The following SEPTIN9 variants were observed in gnomAD, a reference collection of about 807,000 sequenced individuals.
SEPTIN9 encodes septin-9.
In SEPTIN9, 13 loss-of-function variants were observed where a neutral mutation model predicts 56.6. That is an observed-to-expected ratio of 0.23 (90% confidence interval 0.15 to 0.37). SEPTIN9 has a LOEUF of 0.37. SEPTIN9 is among the 10% of genes least tolerant of loss of function. The pLI, the probability that SEPTIN9 is intolerant of heterozygous loss-of-function variation, is 1.00. For synonymous variants in SEPTIN9, 332 were observed against 334.1 expected, an observed-to-expected ratio of 0.99 and a Z score of 0.07; for missense variants, 650 against 823.1, an observed-to-expected ratio of 0.79 and a Z score of 2.57.
rs1004612672 is a variant in SEPTIN9, at chr17:77,449,228, G to A, written c.722-32916G>A. On this transcript the variant is annotated intron_variant, in intron 3 of 11. Coordinates refer to ENST00000427177, the MANE Select transcript of SEPTIN9 (RefSeq NM_001113491.2). This position sits in a 1 kb window ranked among gnomAD's most constrained non-coding sequence, Gnocchi z 4.6. ...CCTGAATGCTGAGTGTGTGCTGAGC[G>A]GTAGAGAACTTTGAGAAGTGCTGAA... Among the ~76,000 whole-genome samples the A allele has an allele frequency of 3.9e-5, 6 of 152,292 alleles. No individual in the cohort carries two copies. The highest frequency in any genetic ancestry group is 9.6e-5 in the African/African-American group (4 of 41,558).
chr17:77,477,289 C>T (rs1242160214), intron 3 of SEPTIN9, among the ~76,000 whole-genome samples: 4 of 152,132 alleles, frequency 2.6e-5, no homozygotes, highest in Non-Finnish European at 5.9e-5. Flanking sequence ...AAGGAAACGC[C>T]ATCCTCGGTA....
chr17:77,417,622 T>C (rs1019355066), intron 3 of SEPTIN9, among the ~76,000 whole-genome samples: 1 of 152,212 alleles, frequency 6.6e-6, no homozygotes, highest in African/African-American at 2.4e-5. Flanking sequence ...TAACTGAAGC[T>C]GTTGGAGAGT....
chr17:77,352,657 T>A (rs1382081085), intron 2 of SEPTIN9, among the ~76,000 whole-genome samples: 3 of 152,036 alleles, frequency 2.0e-5, no homozygotes, highest in Non-Finnish European at 4.4e-5. Flanking sequence ...AACTGCCCTC[T>A]CTGTTGTCTT....
chr17:77,319,028 G>T lies in SEPTIN9; in HGVS notation c.76+11831G>T, dbSNP rs2032804974. On this transcript the variant is annotated intron_variant, in intron 2 of 11. Coordinates refer to ENST00000427177, the MANE Select transcript of SEPTIN9 (RefSeq NM_001113491.2). This position sits in a 1 kb window ranked among gnomAD's most constrained non-coding sequence, Gnocchi z 5.3. ...CAGGCAGGAAGGCTTCCGTGGTGCG[G>T]CCACGCGTCCTCCCTTTCTCAACAG... 2.0e-5 allele frequency among the ~76,000 whole-genome samples: 3 copies of T among 152,342 alleles called. No individual in the cohort carries two copies. Among genetic ancestry groups the T allele is most frequent in the Admixed American group, 1.3e-4 (2 of 15,306 alleles).
chr17:77,390,926 G>A (rs762502658), intron 2 of SEPTIN9, among the ~76,000 whole-genome samples: 1 of 152,186 alleles, frequency 6.6e-6, no homozygotes, highest in African/African-American at 2.4e-5. Flanking sequence ...CAACAGATGT[G>A]AGCTGGGTTT....
At chr17:77,482,605 T>A (rs1012957614) in intron 4 of SEPTIN9, 52 of 659,560 alleles carry the variant, frequency 7.9e-5, no homozygotes, top group African/African-American at 5.9e-4. Flanking sequence ...GAGCAGGTCC[T>A]GATGAGTGGT....
intron 2 of SEPTIN9, chr17:77,375,809 AGT>A (rs2034898979): frequency 6.6e-6 from 1 of 152,356 alleles, no homozygotes; most frequent in Non-Finnish European, 1.5e-5. Context: ...GGCGTGAGAG[AGT>A]GTGTGTGTGC....
rs562005653 is a variant in SEPTIN9, at chr17:77,487,845, A to C, written c.1042+293A>C. ...GATGGGCTGGGGATGTGGGATACCC[A>C]TGCCTTCCTGGAGCACTGGTGCGGT... is the stretch of plus-strand genomic sequence containing the variant. On this transcript the variant is annotated intron_variant, in intron 5 of 11. Coordinates refer to ENST00000427177, the MANE Select transcript of SEPTIN9 (RefSeq NM_001113491.2). This position sits in a 1 kb window ranked among gnomAD's most constrained non-coding sequence, Gnocchi z 4.3. Among the ~76,000 whole-genome samples the C allele has an allele frequency of 6.6e-6, 1 of 151,990 alleles. No individual in the cohort carries two copies. The highest frequency in any genetic ancestry group is 2.1e-4 in the South Asian group (1 of 4,820).
rs2036037399 is a variant in SEPTIN9 at position 77,405,511 on chromosome 17, C to T, written c.721+2808C>T. Among the ~76,000 whole-genome samples, 3 of 152,156 alleles carry T rather than the reference C, an allele frequency of 2.0e-5. No individual in the cohort carries two copies. The highest frequency in any genetic ancestry group is 6.5e-5 in the Admixed American group (1 of 15,274). On this transcript the variant is annotated intron_variant, in intron 3 of 11. Transcript: ENST00000427177. This position sits in a 1 kb window ranked among gnomAD's most constrained non-coding sequence, Gnocchi z 5.8. ...GAGAAAACCATCAGCATCCCAGACC[C>T]GGCCACCCACGGACAGGGACCTGTG...
In SEPTIN9 at chr17:77,405,163, G is replaced by A. The variant is rs1354599731; in HGVS notation, c.721+2460G>A. ...CAGGTAGGGGGATGTCCATGGGGAT[G>A]TACAAGAACATTCTCCTCCAGGGGC... On this transcript the variant is annotated intron_variant, in intron 3 of 11. Coordinates refer to ENST00000427177, the MANE Select transcript of SEPTIN9 (RefSeq NM_001113491.2). This position sits in a 1 kb window ranked among gnomAD's most constrained non-coding sequence, Gnocchi z 5.8. 2.6e-6 allele frequency: 4 copies of A among 1,524,518 alleles called. No individual in the cohort carries two copies. Among genetic ancestry groups the A allele is most frequent in the Non-Finnish European group, 2.6e-6 (3 of 1,137,050 alleles). 94.4% of individuals were successfully genotyped at this position (1,524,518 alleles called of 1,614,324 possible).
chr17:77,350,083 C>G (rs1047654030), intron 2 of SEPTIN9, among the ~76,000 whole-genome samples: 2 of 152,244 alleles, frequency 1.3e-5, no homozygotes, highest in Non-Finnish European at 2.9e-5. Flanking sequence ...GCCTAGCACC[C>G]TTGGACTCTA....
At position 77,475,673 on chromosome 17, in the gene SEPTIN9, G is replaced by A; in HGVS notation, c.722-6471G>A. The stretch of plus-strand genomic sequence containing the variant: ...ACGAGGCAAAGTAAGGAGACTGCTG[G>A]GCCCACGCTGGGCCGGGGTGGATGG... On this transcript the variant is annotated intron_variant, in intron 3 of 11. Coordinates refer to ENST00000427177, the MANE Select transcript of SEPTIN9 (RefSeq NM_001113491.2). This position sits in a 1 kb window ranked among gnomAD's most constrained non-coding sequence, Gnocchi z 4.6. 1 of 1,613,742 alleles carries A rather than the reference G, an allele frequency of 6.2e-7. No individual in the cohort carries two copies. Among genetic ancestry groups the A allele is most frequent in the South Asian group, 1.1e-5 (1 of 91,086 alleles).
intron 2 of SEPTIN9, among the ~76,000 whole-genome samples, chr17:77,311,819 C>G (rs1275140045): frequency 6.6e-6 from 1 of 152,184 alleles, no homozygotes; most frequent in African/African-American, 2.4e-5. Context: ...GTGGAGGGAG[C>G]TGGTCGTGGA....
chr17:77,488,129 C>T, intron 5 of SEPTIN9, 111 bp from the exon 6 acceptor site: 1 of 961,622 alleles, frequency 1.0e-6, no homozygotes, highest in Non-Finnish European at 1.7e-6. Context: ...CCCGGTGTCT[C>T]CTTGGTTGTC....
rs987321067 is a variant in SEPTIN9 at position 77,389,322 on chromosome 17, G to C, written c.77-12737G>C. Among the ~76,000 whole-genome samples, 1 of 152,050 alleles carries C rather than the reference G, an allele frequency of 6.6e-6. No homozygotes were observed. The highest frequency in any genetic ancestry group is 2.4e-5 in the African/African-American group (1 of 41,384). On this transcript the variant is annotated intron_variant, in intron 2 of 11. Transcript: ENST00000427177. This position sits in a 1 kb window ranked among gnomAD's most constrained non-coding sequence, Gnocchi z 4.3. ...GCGACCCTGTGGTGGGGACGAGGGGGCTATGAGCAGACCAGGAGCCAGCAT... is the reference window on the plus strand; with the variant it reads ...GCGACCCTGTGGTGGGGACGAGGGGCCTATGAGCAGACCAGGAGCCAGCAT...
chr17:77,475,688 G>A lies in SEPTIN9; in HGVS notation c.722-6456G>A, dbSNP rs1397168208. ...GAGACTGCTGGGCCCACGCTGGGCC[G>A]GGGTGGATGGAGGCAAGGAAGTCTT... On this transcript the variant is annotated intron_variant, in intron 3 of 11. Coordinates refer to ENST00000427177, the MANE Select transcript of SEPTIN9 (RefSeq NM_001113491.2). The surrounding 1 kb of genome is among the most constrained non-coding windows in gnomAD (Gnocchi z 4.6). The A allele has an allele frequency of 5.6e-6, 9 of 1,613,498 alleles. No homozygotes were observed. Among genetic ancestry groups the A allele is most frequent in the Admixed American group, 3.3e-5 (2 of 60,012 alleles).
At chr17:77,374,192 T>C (rs3987888) in intron 2 of SEPTIN9, 65,401 of 152,354 alleles carry the variant, frequency 0.43, 14,330 homozygotes, top group Non-Finnish European at 0.48. Flanking sequence ...GGCCTGGGGA[T>C]ATCCTCATCC....
At chr17:77,298,335 T>G (rs1318339205) in intron 1 of SEPTIN9, among the ~76,000 whole-genome samples, 1 of 152,166 alleles carries the variant, frequency 6.6e-6, no homozygotes, top group Non-Finnish European at 1.5e-5. Flanking sequence ...GATAACCAGG[T>G]CAATGTAGTG....
At chr17:77,373,548 C>T (rs763017824) in intron 2 of SEPTIN9, 3 of 1,546,248 alleles carry the variant, frequency 1.9e-6, no homozygotes, top group South Asian at 2.4e-5. Flanking sequence ...TTTCGGACTT[C>T]GAAGGTGGGT....
Sources: gnomAD v4.1 joint callset for allele counts (sites outside exome capture counted in the v4.1 genomes callset) on GRCh38, gnomAD v4.1.1 for gene constraint, Gnocchi (gnomAD v3.1) non-coding constraint, MANE v1.5 for transcripts, NCBI Gene and HGNC (gene_info 2026-07-23, HGNC 2026-07-21) for gene names.